Variants in NR4A3 observed in about 807,000 individuals in gnomAD.
NR4A3 encodes the protein chondrosarcoma, extraskeletal myxoid, fused to EWS.
A neutral mutation model predicts 55.6 loss-of-function variants in NR4A3; 13 were observed. The observed-to-expected ratio is 0.23, with a 90% CI of 0.15 to 0.37. The LOEUF is 0.37. Ranked by LOEUF, NR4A3 falls within the 10% of genes least tolerant of loss-of-function variation. The pLI, the probability that NR4A3 is intolerant of heterozygous loss-of-function variation, is 1.00. For missense variants in NR4A3, 646 were observed against 822.8 expected (o/e 0.79, Z 2.63); for synonymous variants, 342 against 357.9 (o/e 0.96, Z 0.50).
chr9:99,851,819 A>C (rs1379877267), intron 7 of NR4A3, among the ~76,000 whole-genome samples: 1 of 152,198 alleles, frequency 6.6e-6, no homozygotes, highest in African/African-American at 2.4e-5. Context: ...TGCAGTTAAT[A>C]ATGTTTCATA....
intron 7 of NR4A3, among the ~76,000 whole-genome samples, chr9:99,862,179 A>G (rs1157125788): frequency 6.6e-6 from 1 of 152,142 alleles, no homozygotes; most frequent in Admixed American, 6.5e-5. Flanking sequence ...CTCAAGAATT[A>G]TGATTTTACA....
chr9:99,839,259 C>G (rs2118562077), intron 5 of NR4A3, among the ~76,000 whole-genome samples: 2 of 152,216 alleles, frequency 1.3e-5, no homozygotes, highest in East Asian at 3.8e-4. Flanking sequence ...GTGTAAGAAC[C>G]TAAGAATATG....
At position 99,836,638 on chromosome 9, in the gene NR4A3, G is replaced by T. The variant is rs1301939272; in HGVS notation, c.1254+3184G>T. Among the ~76,000 whole-genome samples, 7 of 152,252 alleles carry T rather than the reference G, an allele frequency of 4.6e-5. No homozygotes were observed. In the East Asian group the frequency reaches 1.3e-3, roughly 29 times the overall value. ...TGGCAAAAAGAACTATTCTCCCAAAGACAGATCTAGAGAGAGGAGGGGGGC... is the reference window on the plus strand; with the variant it reads ...TGGCAAAAAGAACTATTCTCCCAAATACAGATCTAGAGAGAGGAGGGGGGC... On this transcript the variant is annotated intron_variant, in intron 5 of 7. Transcript: ENST00000395097.
At chr9:99,841,997 T>C (rs1256193300) in intron 5 of NR4A3, among the ~76,000 whole-genome samples, 1 of 151,692 alleles carries the variant, frequency 6.6e-6, no homozygotes, top group Non-Finnish European at 1.5e-5. Context: ...GAGGAAGGTA[T>C]CCCCATTTTA....
intron 2 of NR4A3, among the ~76,000 whole-genome samples, chr9:99,827,078 G>C (rs1288690425): frequency 6.6e-6 from 1 of 152,128 alleles, no homozygotes; most frequent in African/African-American, 2.4e-5. Context: ...AGCCACTTTG[G>C]GGGCAACATA....
chr9:99,842,729 CAA>C (rs558687882), intron 5 of NR4A3, among the ~76,000 whole-genome samples: 4 of 141,646 alleles, frequency 2.8e-5, no homozygotes, highest in Admixed American at 7.0e-5. Context: ...GACACCATCT[CAA>C]AAAAAAAAAA....
chr9:99,857,733 G>A (rs971788313), intron 7 of NR4A3, among the ~76,000 whole-genome samples: 2 of 150,938 alleles, frequency 1.3e-5, no homozygotes, highest in East Asian at 1.9e-4. Flanking sequence ...CCAGCCTGGC[G>A]ACAGAGCAAG....
At chr9:99,857,028 A>G (rs1207838843) in intron 7 of NR4A3, among the ~76,000 whole-genome samples, 1 of 152,244 alleles carries the variant, frequency 6.6e-6, no homozygotes, top group African/African-American at 2.4e-5. Context: ...TACCTGAAAT[A>G]GATTATAGCA....
At chr9:99,827,290 G>GTATATA (rs56749651) in intron 2 of NR4A3, among the ~76,000 whole-genome samples, 7 of 139,114 alleles carry the variant, frequency 5.0e-5, no homozygotes, top group African/African-American at 1.6e-4. Flanking sequence ...GTGTGTGTGT[G>GTATATA]TATATATATA....
At chr9:99,847,704 A>C (rs2118121458) in intron 7 of NR4A3, 89 bp downstream of exon 7, 2 of 1,232,084 alleles carry the variant, frequency 1.6e-6, no homozygotes, top group Non-Finnish European at 2.3e-6. Flanking sequence ...CACACACCAG[A>C]AAAGTGGGAA....
In NR4A3 at chr9:99,866,696, G is replaced by A. The variant is rs1587892903; in HGVS notation, c.*2829G>A. 2.2e-5 allele frequency: 5 copies of A among 224,160 alleles called. No individual in the cohort carries two copies. In the East Asian group the frequency reaches 3.2e-4, roughly 14 times the overall value. 13.9% of individuals were successfully genotyped at this position (224,160 alleles called of 1,614,324 possible). A position where few individuals can be genotyped will look rare whatever the true frequency, so the allele number is the denominator to read the frequency against. On this transcript the variant is annotated 3_prime_UTR_variant, in exon 8 of 8. Transcript: ENST00000395097. Reference sequence around the variant, plus strand: ...CTCTCTCAGTGTGAACATGCCTTCTGTGGGCGGAAATCAGGAAGCCACCAG... The same window carrying A: ...CTCTCTCAGTGTGAACATGCCTTCTATGGGCGGAAATCAGGAAGCCACCAG...
In NR4A3 at chr9:99,822,477, CCTGAAA is replaced by C. The variant is rs1013120301; in HGVS notation, c.-177+71_-177+76del. 7 of 152,362 alleles carry C rather than the reference CCTGAAA, an allele frequency of 4.6e-5. No individual in the cohort carries two copies. Among genetic ancestry groups the C allele is most frequent in the Non-Finnish European group, 7.3e-5 (5 of 68,096 alleles). 9.4% of individuals were successfully genotyped at this position (152,362 alleles called of 1,614,324 possible). ...AGTTGGCTTGCTGGGAAGCGTCGCTCCTGAAATTGACAACTTTGAGTGTGGGGTTCC... is the reference window on the plus strand; with the variant it reads ...AGTTGGCTTGCTGGGAAGCGTCGCTCTTGACAACTTTGAGTGTGGGGTTCC... On this transcript the variant is annotated intron_variant, in intron 1 of 7. Coordinates refer to ENST00000395097, the MANE Select transcript of NR4A3 (RefSeq NM_006981.4). The surrounding 1 kb of genome is among the most constrained non-coding windows in gnomAD (Gnocchi z 4.9).
At position 99,828,142 on chromosome 9, in the gene NR4A3, G is replaced by A; in HGVS notation, c.100G>A (p.Asp34Asn). ...ATACACCACGGAGATCATGAACCCCGACTACACCAAGCTGACCATGGACCT... is the reference window on the plus strand; with the variant it reads ...ATACACCACGGAGATCATGAACCCCAACTACACCAAGCTGACCATGGACCT... ...SEYTTEIMNP[D>N]YTKLTMDLGS... is the part of the protein sequence containing the mutation. The change falls in exon 3 of 8, where the codon GAC becomes AAC. Residue 34 changes from aspartate to asparagine, a missense_variant. Physicochemically the swap from Asp to Asn is conservative, Grantham distance 23. Coordinates refer to ENST00000395097, the MANE Select transcript of NR4A3 (RefSeq NM_006981.4). This position sits in a 1 kb window ranked among gnomAD's most constrained non-coding sequence, Gnocchi z 7.7. 6 of 1,613,866 alleles carry A rather than the reference G, an allele frequency of 3.7e-6. No homozygotes were observed. The highest frequency in any genetic ancestry group is 5.1e-6 in the Non-Finnish European group (6 of 1,179,982).
intron 3 of NR4A3, among the ~76,000 whole-genome samples, chr9:99,831,531 G>A (rs900196621): frequency 6.6e-6 from 1 of 152,208 alleles, no homozygotes; most frequent in African/African-American, 2.4e-5. Context: ...CATGGGGGTT[G>A]AGAATGACTG....
chr9:99,849,376 G>A (rs552339207), intron 7 of NR4A3, among the ~76,000 whole-genome samples: 11 of 151,770 alleles, frequency 7.2e-5, no homozygotes, highest in African/African-American at 2.4e-4. Flanking sequence ...TTTTAATGGG[G>A]CTGCTAGACT....
intron 7 of NR4A3, among the ~76,000 whole-genome samples, chr9:99,849,491 A>G (rs867027031): frequency 3.9e-5 from 6 of 152,302 alleles, no homozygotes; most frequent in Middle Eastern, 6.8e-3. Flanking sequence ...AAGAAAATAA[A>G]CAGATTTAAG....
At chr9:99,848,066 T>C (rs1205254236) in intron 7 of NR4A3, among the ~76,000 whole-genome samples, 2 of 152,120 alleles carry the variant, frequency 1.3e-5, no homozygotes, top group African/African-American at 4.8e-5. Flanking sequence ...CACCACACAT[T>C]TGTCCTGTTT....
At position 99,844,598 on chromosome 9, in the gene NR4A3, A is replaced by G. The variant is rs898765792; in HGVS notation, c.1255-51A>G. 3.3e-6 allele frequency: 5 copies of G among 1,496,790 alleles called. No homozygotes were observed. In the African/African-American group the frequency reaches 5.5e-5, roughly 16 times the overall value. The allele number at this position is 1,496,790 out of a possible 1,614,324, so 92.7% of individuals were successfully genotyped here. ...GAAGGGCCTGTTTGCAAGTGATGCC[A>G]TCATCCCCACTGAAGCAGGATAATG... On this transcript the variant is annotated intron_variant, in intron 5 of 7. Transcript: ENST00000395097.
chr9:99,836,735 A>C (rs1406226084), intron 5 of NR4A3, among the ~76,000 whole-genome samples: 1 of 152,246 alleles, frequency 6.6e-6, no homozygotes, highest in Admixed American at 6.5e-5. Context: ...GTTCATCAAC[A>C]CAGGGAGTAA....
Sources: gnomAD v4.1 joint callset for allele counts (sites outside exome capture counted in the v4.1 genomes callset) on GRCh38, gnomAD v4.1.1 for gene constraint, Gnocchi (gnomAD v3.1) non-coding constraint, MANE v1.5 for transcripts, NCBI Gene and HGNC (gene_info 2026-07-23, HGNC 2026-07-21) for gene names.